The following FAM13B variants were observed in gnomAD, a reference collection of about 807,000 sequenced individuals.
FAM13B encodes protein FAM13B.
In FAM13B, 60 loss-of-function variants were observed where a neutral mutation model predicts 117.3. The ratio of observed to expected loss-of-function variants is 0.51; its 90% confidence interval spans 0.42 to 0.63. The LOEUF (loss-of-function observed/expected upper bound fraction) is 0.63, where lower values mean the gene tolerates loss of function less well. Ranked by LOEUF, FAM13B falls within the 30% of genes least tolerant of loss-of-function variation. The pLI is 0.00. For missense variants in FAM13B, 972 were observed against 1,091.9 expected, an observed-to-expected ratio of 0.89 and a Z score of 1.55; for synonymous variants, 332 against 356.1, an observed-to-expected ratio of 0.93 and a Z score of 0.76.
intron 10 of FAM13B, among the ~76,000 whole-genome samples, chr5:137,979,764 G>A (rs909479795): frequency 7.9e-5 from 12 of 152,214 alleles, no homozygotes; most frequent in South Asian, 2.1e-4. Context: ...ACCCTGGCCA[G>A]AAGTTCTTTC....
In FAM13B at chr5:138,007,087, GA is replaced by G. The variant is rs1431327908; in HGVS notation, c.750del (p.Pro251GlnfsTer17). 6.2e-7 allele frequency: 1 copy of G among 1,613,320 alleles called. No homozygotes were observed. Among genetic ancestry groups the G allele is most frequent in the Non-Finnish European group, 8.5e-7 (1 of 1,179,820 alleles). ...EDEKLEHIEE[L>X]PEEGAEKSND... ...TTTGATTTTTCTGCACCCTCTTCTGGAAGTTCTTCAATATGTTCCAGCTTTT... is the reference window on the plus strand; with the variant it reads ...TTTGATTTTTCTGCACCCTCTTCTGGAGTTCTTCAATATGTTCCAGCTTTT... On this transcript the variant is annotated frameshift_variant, in exon 7 of 24. Coordinates refer to ENST00000689681, the MANE Select transcript of FAM13B (RefSeq NM_001385994.1). LOFTEE classifies it high-confidence loss of function.
At chr5:137,983,453 C>T (rs1437458990) in intron 10 of FAM13B, among the ~76,000 whole-genome samples, 3 of 152,062 alleles carry the variant, frequency 2.0e-5, no homozygotes, top group Non-Finnish European at 2.9e-5. Context: ...TCCAGCAATT[C>T]TATTTATAAA....
At chr5:137,990,169 C>T (rs998464371) in intron 7 of FAM13B, among the ~76,000 whole-genome samples, 3 of 152,064 alleles carry the variant, frequency 2.0e-5, no homozygotes, top group Admixed American at 6.5e-5. Flanking sequence ...TTATGTGGTG[C>T]GATCTGTTTT....
intron 1 of FAM13B, among the ~76,000 whole-genome samples, chr5:138,048,355 C>A (rs1241747297): frequency 1.3e-5 from 2 of 152,096 alleles, no homozygotes; most frequent in African/African-American, 2.4e-5. Context: ...AAATAATAAT[C>A]CAAAATTCAA....
chr5:137,988,416 G>A, intron 7 of FAM13B, 101 bp from the exon 8 acceptor site: 1 of 807,596 alleles, frequency 1.2e-6, no homozygotes, highest in East Asian at 2.9e-5. Context: ...ACACAACCAG[G>A]AGAGCACATA....
At chr5:137,975,176 T>G (rs1331019747) in intron 10 of FAM13B, among the ~76,000 whole-genome samples, 2 of 152,162 alleles carry the variant, frequency 1.3e-5, no homozygotes, top group African/African-American at 2.4e-5. Context: ...CGAAAGCCAC[T>G]TGAATCACGC....
intron 10 of FAM13B, among the ~76,000 whole-genome samples, chr5:137,966,890 TTA>T (rs1178798023): frequency 6.6e-6 from 1 of 152,116 alleles, no homozygotes; most frequent in African/African-American, 2.4e-5. Flanking sequence ...AAAGGATATA[TTA>T]TACAAAAAAT....
intron 4 of FAM13B, among the ~76,000 whole-genome samples, chr5:138,012,918 A>T (rs1000818628): frequency 1.3e-5 from 2 of 151,858 alleles, no homozygotes; most frequent in African/African-American, 4.8e-5. Context: ...AAAAAAAAAA[A>T]TTTGGCCTTG....
intron 1 of FAM13B, among the ~76,000 whole-genome samples, chr5:138,023,509 T>C (rs927245438): frequency 9.8e-5 from 15 of 152,344 alleles, no homozygotes; most frequent in African/African-American, 3.6e-4. Context: ...TCTTAATCAC[T>C]ATACTATTTT....
intron 10 of FAM13B, among the ~76,000 whole-genome samples, chr5:137,969,994 T>C (rs1269574927): frequency 6.6e-6 from 1 of 152,194 alleles, no homozygotes; most frequent in Admixed American, 6.5e-5. Context: ...TTGGTGTACC[T>C]GCAAGTGACG....
At chr5:138,043,735 G>A (rs1232573152) in intron 1 of FAM13B, among the ~76,000 whole-genome samples, 1 of 151,860 alleles carries the variant, frequency 6.6e-6, no homozygotes, top group East Asian at 1.9e-4. Context: ...ACCGCACCCG[G>A]CCTCTTTTTT....
chr5:138,051,174 G>A (rs1024643210), intron 1 of FAM13B, among the ~76,000 whole-genome samples: 1 of 151,932 alleles, frequency 6.6e-6, no homozygotes, highest in African/African-American at 2.4e-5. Context: ...AACATAAATA[G>A]GATCATAGTA....
rs1210225939 is a variant in FAM13B at position 137,946,331 on chromosome 5, A to G, written c.2161-20T>C. The G allele has an allele frequency of 6.7e-7, 1 of 1,502,658 alleles. No homozygotes were observed. Among genetic ancestry groups the G allele is most frequent in the Admixed American group, 2.2e-5 (1 of 44,530 alleles). 93.1% of individuals were successfully genotyped at this position (1,502,658 alleles called of 1,614,324 possible). On this transcript the variant is annotated intron_variant, in intron 18 of 23. Coordinates refer to ENST00000689681, the MANE Select transcript of FAM13B (RefSeq NM_001385994.1). ...CATTTTCTGGAATTAAACAAAAAAA[A>G]TAACAAAATACAAAAAAAAAAAAAC...
chr5:137,976,145 T>C (rs12153492), intron 10 of FAM13B, among the ~76,000 whole-genome samples: 149,075 of 152,062 alleles, frequency 0.98, 73,145 homozygotes, highest in Middle Eastern at 1. Context: ...TTTGTAGAGA[T>C]GGGGTTTCAC....
upstream of FAM13B, among the ~76,000 whole-genome samples, chr5:138,035,684 G>A (rs1791088215): frequency 1.3e-5 from 2 of 152,098 alleles, no homozygotes; most frequent in Non-Finnish European, 2.9e-5. Flanking sequence ...TTTCAGCTGG[G>A]AACAGTTGTC....
chr5:138,033,372 G>C (rs1402673752), upstream of FAM13B, among the ~76,000 whole-genome samples: 2 of 152,222 alleles, frequency 1.3e-5, no homozygotes, highest in Non-Finnish European at 2.9e-5. Flanking sequence ...CACAGAGATC[G>C]CTTCTGGTCT....
At chr5:138,035,468 T>C (rs186663435), upstream of FAM13B, among the ~76,000 whole-genome samples, 2 of 152,336 alleles carry the variant, frequency 1.3e-5, no homozygotes, top group African/African-American at 4.8e-5. Flanking sequence ...ATGTTCAACA[T>C]AGGGGCCACA....
At chr5:137,959,580 C>T (rs750301907) in intron 13 of FAM13B, 36 bp downstream of exon 13, 1 of 1,610,948 alleles carries the variant, frequency 6.2e-7, no homozygotes, top group South Asian at 1.1e-5. Flanking sequence ...TTACAAGTAA[C>T]ATTATCAGGA....
chr5:137,962,562 T>C, intron 10 of FAM13B, 93 bp from the exon 11 acceptor site: 1 of 1,059,036 alleles, frequency 9.4e-7, no homozygotes, highest in Non-Finnish European at 1.4e-6. Flanking sequence ...GAATACAGAT[T>C]AGTCAAACAC....
Sources: allele counts gnomAD v4.1 joint callset (sites outside exome capture counted in the v4.1 genomes callset), GRCh38; gene constraint gnomAD v4.1.1; transcripts MANE v1.5; gene names NCBI Gene and HGNC (gene_info 2026-07-23, HGNC 2026-07-21).